The following PRH1 variants were observed in gnomAD, a reference collection of about 807,000 sequenced individuals.
PRH1 encodes proline rich protein HaeIII subfamily 1.
In PRH1, 7 loss-of-function variants were observed where a neutral mutation model predicts 7.9. The observed-to-expected ratio is 0.89, with a 90% CI of 0.50 to 1.67. PRH1 has a LOEUF of 1.67. PRH1 is among the 40% of genes most tolerant of loss of function. The pLI is 0.00. For missense variants in PRH1, 109 were observed against 223.6 expected (o/e 0.49, Z 3.27); for synonymous variants, 45 against 80.8 (o/e 0.56, Z 2.38).
At chr12:11,060,421 G>T (rs890554605) in intron 1 of PRH1, among the ~76,000 whole-genome samples, 4 of 151,512 alleles carry the variant, frequency 2.6e-5, no homozygotes, top group Non-Finnish European at 1.5e-5. Context: ...GTTACCTGAA[G>T]TTTAGAAGGA....
At chr12:11,093,792 C>A (rs1172059048) in intron 1 of PRH1, among the ~76,000 whole-genome samples, 1 of 113,784 alleles carries the variant, frequency 8.8e-6, no homozygotes, top group Non-Finnish European at 2.1e-5. Context: ...GGCTTCCATA[C>A]TGGGGATTCT....
chr12:10,941,290 T>A (rs1367774498), intron 2 of PRH1, among the ~76,000 whole-genome samples: 1 of 152,080 alleles, frequency 6.6e-6, no homozygotes, highest in African/African-American at 2.4e-5. Context: ...AAACACTAGG[T>A]TTTCATTGGA....
chr12:11,092,113 T>C (rs1364446000), intron 1 of PRH1: 8 of 1,524,440 alleles, frequency 5.2e-6, no homozygotes, highest in Non-Finnish European at 6.3e-6. Context: ...AGGAGATCTT[T>C]TGTCTCTTGA....
intron 1 of PRH1, among the ~76,000 whole-genome samples, chr12:11,025,239 G>A (rs375599799): frequency 6.6e-6 from 1 of 151,888 alleles, no homozygotes; most frequent in African/African-American, 2.4e-5. Context: ...AGCATGGATT[G>A]TCATTAATTT....
chr12:10,893,184 G>C (rs992153284), intron 2 of PRH1, among the ~76,000 whole-genome samples: 4 of 152,166 alleles, frequency 2.6e-5, no homozygotes, highest in Non-Finnish European at 4.4e-5. Flanking sequence ...ATATTGAGCA[G>C]CATCCTTGTC....
At chr12:10,888,290 G>A (rs146794886), upstream of PRH1, among the ~76,000 whole-genome samples, 239 of 152,266 alleles carry the variant, frequency 1.6e-3, no homozygotes, top group African/African-American at 4.8e-3. Flanking sequence ...TGTCATGTAA[G>A]TTAATATATT....
chr12:11,156,843 AATT>A (rs1217154406), intron 1 of PRH1, among the ~76,000 whole-genome samples: 2 of 130,082 alleles, frequency 1.5e-5, no homozygotes, highest in African/African-American at 2.7e-5. Context: ...AGAAAACACC[AATT>A]TTTTTTTTTT....
At chr12:11,085,131 T>C (rs1409997319) in intron 1 of PRH1, among the ~76,000 whole-genome samples, 4 of 108,052 alleles carry the variant, frequency 3.7e-5, no homozygotes, top group African/African-American at 1.2e-4. Flanking sequence ...TTATTCATAT[T>C]CTTTATTACT....
chr12:11,062,193 C>T (rs1943638317), intron 1 of PRH1: 2 of 1,613,486 alleles, frequency 1.2e-6, no homozygotes, highest in African/African-American at 2.7e-5. Flanking sequence ...TCTTGAACCA[C>T]TCAATGGAAT....
intron 2 of PRH1, among the ~76,000 whole-genome samples, chr12:10,898,780 G>T (rs573658346): frequency 1.5e-4 from 23 of 152,316 alleles, no homozygotes; most frequent in African/African-American, 5.3e-4. Flanking sequence ...AGTAGGTAAA[G>T]AAATTATCCA....
At chr12:11,052,226 C>T (rs186567910) in intron 1 of PRH1, among the ~76,000 whole-genome samples, 515 of 152,318 alleles carry the variant, frequency 3.4e-3, no homozygotes, top group Admixed American at 5.1e-3. Context: ...ATTTTTATTG[C>T]TCCTTGCATG....
rs142261406 is a variant in PRH1 at position 10,913,191 on chromosome 12, C to T, written c.-58-28916G>A. Among the ~76,000 whole-genome samples the T allele has an allele frequency of 5.9e-3, 901 of 152,312 alleles. 7 individuals are homozygous for T. The highest frequency in any genetic ancestry group is 0.016 in the African/African-American group (679 of 41,574). On this transcript the variant is annotated intron_variant, in intron 2 of 3. Coordinates refer to the PRH1 transcript ENST00000539853. ...TTTCCTTAAAATCTATTTAGCCTCA[C>T]GCCTGAAATCCCAGCACTTTGGGAG... is the stretch of plus-strand genomic sequence containing the variant.
chr12:11,107,858 T>A (rs1289888000), intron 1 of PRH1, among the ~76,000 whole-genome samples: 4 of 152,190 alleles, frequency 2.6e-5, no homozygotes, highest in Non-Finnish European at 5.9e-5. Flanking sequence ...AAGAATTTAA[T>A]AATCAATTTC....
intron 1 of PRH1, among the ~76,000 whole-genome samples, chr12:11,136,186 A>C (rs1470369871): frequency 6.6e-6 from 1 of 152,176 alleles, no homozygotes; most frequent in African/African-American, 2.4e-5. Context: ...TGCAACCCTA[A>C]ACTCCATCGC....
chr12:11,130,470 G>A (rs1195106005), intron 1 of PRH1, among the ~76,000 whole-genome samples: 1 of 152,236 alleles, frequency 6.6e-6, no homozygotes, highest in Non-Finnish European at 1.5e-5. Context: ...TGAGAATATT[G>A]CTCTGACTCA....
At chr12:11,031,529 A>T in intron 1 of PRH1, 1 of 533,678 alleles carries the variant, frequency 1.9e-6, no homozygotes, top group Non-Finnish European at 3.0e-6. Context: ...AGAAAGGACA[A>T]AGCTTCCACC....
intron 1 of PRH1, among the ~76,000 whole-genome samples, chr12:10,990,715 C>T: frequency 6.6e-6 from 1 of 152,020 alleles, no homozygotes; most frequent in Non-Finnish European, 1.5e-5. Flanking sequence ...GAGTTGATGG[C>T]AATTATCTTG....
chr12:11,058,998 TG>T (rs1943478855), intron 1 of PRH1, among the ~76,000 whole-genome samples: 1 of 152,212 alleles, frequency 6.6e-6, no homozygotes. Context: ...GGGACTTGAA[TG>T]GAACACCACA....
At chr12:10,909,272 G>A in intron 2 of PRH1, 1 of 1,613,130 alleles carries the variant, frequency 6.2e-7, no homozygotes, top group Non-Finnish European at 8.5e-7. Context: ...TTACAAGAGT[G>A]AAGATACTCG....
Sources: gnomAD v4.1 joint callset for allele counts (sites outside exome capture counted in the v4.1 genomes callset) on GRCh38, gnomAD v4.1.1 for gene constraint, MANE v1.5 for transcripts, NCBI Gene and HGNC (gene_info 2026-07-23, HGNC 2026-07-21) for gene names.